The following CTNNA2 variants were observed in gnomAD, a reference collection of about 807,000 sequenced individuals.
The protein encoded by CTNNA2 is catenin alpha 2.
A neutral mutation model predicts 101.0 loss-of-function variants in CTNNA2; 42 were observed. The observed-to-expected ratio is 0.42, with a 90% CI of 0.32 to 0.54. The LOEUF is 0.54. CTNNA2 is among the 20% of genes least tolerant of loss of function. The pLI is 0.14. For synonymous variants in CTNNA2, 450 were observed against 456.4 expected (o/e 0.99, Z 0.18); for missense variants, 871 against 1,223.1 (o/e 0.71, Z 4.29).
At position 80,345,823 on chromosome 2, in the gene CTNNA2, T is replaced by G. The variant is rs77278118; in HGVS notation, c.1057-47388T>G. Among the ~76,000 whole-genome samples the G allele has an allele frequency of 1.1e-3, 163 of 152,292 alleles. 1 individual carries two copies. The highest frequency in any genetic ancestry group is 3.8e-3 in the African/African-American group (158 of 41,568). ...TCTAAAGCTAATGTATCTTCTTAAA[T>G]TTTTCCAAGGATGTTTTCCACACCC... On this transcript the variant is annotated intron_variant, in intron 7 of 18. Transcript: ENST00000402739.
At chr2:80,231,819 G>T (rs1308989807) in intron 7 of CTNNA2, among the ~76,000 whole-genome samples, 2 of 152,116 alleles carry the variant, frequency 1.3e-5, no homozygotes, top group African/African-American at 4.8e-5. Context: ...TGTCTCTTAT[G>T]GAAGAAATTT....
rs559372014 is a variant in CTNNA2 at position 80,187,886 on chromosome 2, T to C, written c.1057-205325T>C. Among the ~76,000 whole-genome samples, 4 of 152,296 alleles carry C rather than the reference T, an allele frequency of 2.6e-5. No homozygotes were observed. The East Asian group carries it at 7.7e-4, about 29-fold the overall frequency. ...CTTTTATCCTCACCTTACAACCATA[T>C]GTATCTTTTTTTTCTTCCTAAGATT... On this transcript the variant is annotated intron_variant, in intron 7 of 18. Transcript: ENST00000402739.
intron 7 of CTNNA2, among the ~76,000 whole-genome samples, chr2:80,095,606 G>T (rs934644363): frequency 3.3e-5 from 5 of 152,174 alleles, no homozygotes; most frequent in Non-Finnish European, 7.3e-5. Context: ...ACCTCTAGTA[G>T]AATTTGGCTG....
intron 2 of CTNNA2, among the ~76,000 whole-genome samples, chr2:79,708,897 A>G (rs976691195): frequency 5.3e-5 from 8 of 152,212 alleles, no homozygotes; most frequent in Admixed American, 3.9e-4. Flanking sequence ...CTTCCTGGCC[A>G]GAGATAATAA....
At chr2:79,700,377 A>AAG (rs1160013620) in intron 2 of CTNNA2, among the ~76,000 whole-genome samples, 1 of 152,094 alleles carries the variant, frequency 6.6e-6, no homozygotes, top group African/African-American at 2.4e-5. Flanking sequence ...ACTACAGCTC[A>AAG]AGAGAGAGAG....
chr2:80,338,266 G>A (rs1671924194), intron 7 of CTNNA2, among the ~76,000 whole-genome samples: 1 of 151,390 alleles, frequency 6.6e-6, no homozygotes, highest in South Asian at 2.1e-4. Flanking sequence ...TGGGATTACT[G>A]GCATGAGCCT....
chr2:79,377,019 T>G (rs11126716), intron 4 of CTNNA2, among the ~76,000 whole-genome samples: 111,892 of 148,842 alleles, frequency 0.75, 42,253 homozygotes, highest in South Asian at 0.82. Context: ...GATGGCTGGG[T>G]CAAATGGTAT....
intron 7 of CTNNA2, among the ~76,000 whole-genome samples, chr2:79,944,500 A>G (rs190889018): frequency 6.6e-6 from 1 of 152,336 alleles, no homozygotes; most frequent in African/African-American, 2.4e-5. Context: ...ATGGTCACAT[A>G]GGCCACTATG....
chr2:80,481,148 C>A (rs1559144424), intron 9 of CTNNA2, among the ~76,000 whole-genome samples: 1 of 152,206 alleles, frequency 6.6e-6, no homozygotes, highest in East Asian at 1.9e-4. Context: ...CAGAAACCTG[C>A]AAGAATGACA....
intron 2 of CTNNA2, among the ~76,000 whole-genome samples, chr2:79,231,484 G>T (rs1242949974): frequency 3.3e-5 from 5 of 152,164 alleles, no homozygotes; most frequent in African/African-American, 1.2e-4. Context: ...TTTGCCAATT[G>T]CCCAGTCTTG....
chr2:80,470,500 G>A lies in CTNNA2; in HGVS notation c.1290+50899G>A, dbSNP rs117658828. ...CCAAAAATGTCATGAGTAAGCCTGC[G>A]GAAAACAGCAGTGTCCCCTACACCC... On this transcript the variant is annotated intron_variant, in intron 9 of 18. Transcript: ENST00000402739. Among the ~76,000 whole-genome samples, 184 of 152,178 alleles carry A rather than the reference G, an allele frequency of 1.2e-3. 2 individuals are homozygous for A. In the East Asian group the frequency reaches 0.029, roughly 24 times the overall value.
At chr2:79,734,078 A>G (rs1177025030) in intron 2 of CTNNA2, among the ~76,000 whole-genome samples, 2 of 152,152 alleles carry the variant, frequency 1.3e-5, no homozygotes, top group Non-Finnish European at 2.9e-5. Context: ...AATGGAATTG[A>G]ATTTTTAATT....
chr2:80,530,538 T>C (rs926405928), intron 9 of CTNNA2, among the ~76,000 whole-genome samples: 2 of 152,090 alleles, frequency 1.3e-5, no homozygotes, highest in Admixed American at 6.6e-5. Context: ...GTTAGTGACA[T>C]TAGATAGCCA....
At chr2:79,904,882 T>A (rs1488349887) in intron 6 of CTNNA2, among the ~76,000 whole-genome samples, 3 of 152,264 alleles carry the variant, frequency 2.0e-5, no homozygotes, top group Non-Finnish European at 4.4e-5. Flanking sequence ...GTTACAACAA[T>A]TGTGTGTGTG....
At chr2:79,466,980 C>G (rs905844537) in intron 4 of CTNNA2, among the ~76,000 whole-genome samples, 3 of 152,210 alleles carry the variant, frequency 2.0e-5, no homozygotes, top group Non-Finnish European at 2.9e-5. Context: ...CTCTCCCCCT[C>G]CAAAGGAATG....
intron 1 of CTNNA2, among the ~76,000 whole-genome samples, chr2:79,602,801 A>G (rs1677632497): frequency 1.3e-5 from 2 of 152,154 alleles, no homozygotes; most frequent in African/African-American, 2.4e-5. Flanking sequence ...ATTGAAAGAC[A>G]TAAAGTAACA....
chr2:80,026,046 G>T (rs998541585), intron 7 of CTNNA2, among the ~76,000 whole-genome samples: 5 of 152,200 alleles, frequency 3.3e-5, no homozygotes, highest in African/African-American at 1.2e-4. Flanking sequence ...GGGGAAGAGG[G>T]TGAGCTGGGA....
chr2:79,583,218 T>G (rs1186532399), intron 1 of CTNNA2, among the ~76,000 whole-genome samples: 1 of 151,146 alleles, frequency 6.6e-6, no homozygotes, highest in African/African-American at 2.4e-5. Flanking sequence ...TATATATATA[T>G]ATAAAATATA....
chr2:80,391,899 A>C (rs1377649684), intron 7 of CTNNA2, among the ~76,000 whole-genome samples: 2 of 152,218 alleles, frequency 1.3e-5, no homozygotes, highest in Non-Finnish European at 2.9e-5. Flanking sequence ...GTGGGAAAGG[A>C]TGATGGGGAA....
Sources: allele counts gnomAD v4.1 joint callset (sites outside exome capture counted in the v4.1 genomes callset), GRCh38; gene constraint gnomAD v4.1.1; transcripts MANE v1.5; gene names NCBI Gene and HGNC (gene_info 2026-07-23, HGNC 2026-07-21).